CCND3: variants seen among roughly 807,000 people sequenced by gnomAD.
CCND3 encodes the protein cyclin D3, also known as G1/S-specific cyclin-D3.
Under a neutral mutation model 28.7 loss-of-function variants are expected in CCND3, and 9 were observed. The observed-to-expected ratio is 0.31, with a 90% CI of 0.19 to 0.55. The LOEUF is 0.55. Among genes scored for constraint, CCND3 ranks in the 20% least tolerant of loss-of-function variants. The probability of loss-of-function intolerance (pLI) is 0.93; values close to 1 mark genes in which losing one functional copy is unlikely to be tolerated. For synonymous variants in CCND3, 164 were observed against 163.9 expected (o/e 1.00, Z 0.00); for missense variants, 315 against 385.8 (o/e 0.82, Z 1.54).
chr6:41,954,158 G>A (rs979764551), intron 1 of CCND3, among the ~76,000 whole-genome samples: 39 of 147,526 alleles, frequency 2.6e-4, no homozygotes, highest in African/African-American at 9.5e-4. Context: ...GGCTGAGGCA[G>A]GAGAATCACT....
At chr6:41,992,775 C>T (rs1368538983) in intron 1 of CCND3, among the ~76,000 whole-genome samples, 1 of 151,800 alleles carries the variant, frequency 6.6e-6, no homozygotes. Context: ...GACAGGGTCT[C>T]GCTCTGTCAC....
intron 1 of CCND3, among the ~76,000 whole-genome samples, chr6:42,026,210 G>A (rs1038411954): frequency 1.3e-5 from 2 of 151,914 alleles, no homozygotes; most frequent in Non-Finnish European, 2.9e-5. Flanking sequence ...CCTTCTCAAC[G>A]ACCTCTCTAA....
At chr6:42,037,171 A>C (rs1764243933) in intron 1 of CCND3, among the ~76,000 whole-genome samples, 1 of 150,738 alleles carries the variant, frequency 6.6e-6, no homozygotes, top group Non-Finnish European at 1.5e-5. Context: ...CGATCTCCTG[A>C]CCTCGTGATC....
At chr6:41,952,236 A>G (rs997394338) in intron 1 of CCND3, among the ~76,000 whole-genome samples, 3 of 152,232 alleles carry the variant, frequency 2.0e-5, no homozygotes, top group Non-Finnish European at 2.9e-5. Context: ...GTCTGTCTCA[A>G]TTTGGGCTTC....
intron 1 of CCND3, among the ~76,000 whole-genome samples, chr6:42,017,975 C>T (rs1368579407): frequency 6.6e-6 from 1 of 151,788 alleles, no homozygotes; most frequent in Non-Finnish European, 1.5e-5. Context: ...CTGGTGAAAC[C>T]CCATCTCTAC....
At chr6:41,945,006 CTTGTTT>C (rs909551048), upstream of CCND3, among the ~76,000 whole-genome samples, 2 of 152,212 alleles carry the variant, frequency 1.3e-5, no homozygotes, top group African/African-American at 4.8e-5. Context: ...TCTTGTTTTT[CTTGTTT>C]TTGTTTTTGT....
At chr6:41,983,428 A>G (rs894245463) in intron 1 of CCND3, among the ~76,000 whole-genome samples, 20 of 152,082 alleles carry the variant, frequency 1.3e-4, no homozygotes, top group African/African-American at 4.8e-4. Flanking sequence ...TATTACTACT[A>G]TCATGCTAAT....
intron 1 of CCND3, among the ~76,000 whole-genome samples, chr6:42,005,958 G>A (rs549312499): frequency 2.6e-4 from 39 of 151,954 alleles, no homozygotes; most frequent in South Asian, 6.3e-4. Flanking sequence ...TTGGGATTAC[G>A]GGTATGAGCA....
chr6:41,983,427 T>C (rs895657592), intron 1 of CCND3, among the ~76,000 whole-genome samples: 1 of 151,868 alleles, frequency 6.6e-6, no homozygotes, highest in Non-Finnish European at 1.5e-5. Context: ...TTATTACTAC[T>C]ATCATGCTAA....
At chr6:42,001,647 T>C (rs1763014932) in intron 1 of CCND3, among the ~76,000 whole-genome samples, 2 of 151,886 alleles carry the variant, frequency 1.3e-5, no homozygotes. Flanking sequence ...GTGGCTGAGG[T>C]AGAAGGATCA....
intron 1 of CCND3, among the ~76,000 whole-genome samples, chr6:42,018,032 C>T (rs1207153422): frequency 6.6e-6 from 1 of 151,634 alleles, no homozygotes; most frequent in Non-Finnish European, 1.5e-5. Flanking sequence ...GCCTGTAGTC[C>T]CAGCTACTCA....
upstream of CCND3, among the ~76,000 whole-genome samples, chr6:41,944,176 A>G (rs574421347): frequency 1.7e-3 from 242 of 145,460 alleles, 1 homozygote; most frequent in African/African-American, 5.7e-3. Flanking sequence ...TACAAAAAAT[A>G]AAAAAAAAAA....
In CCND3 at chr6:41,939,158, CCAACT is replaced by C. The variant is rs1775906846; in HGVS notation, c.414+1207_414+1211del. Among the ~76,000 whole-genome samples, 2 of 152,286 alleles carry C rather than the reference CCAACT, an allele frequency of 1.3e-5. No homozygotes were observed. The highest frequency in any genetic ancestry group is 4.1e-4 in the South Asian group (2 of 4,826). On this transcript the variant is annotated intron_variant, in intron 2 of 4. Coordinates refer to ENST00000372991, the MANE Select transcript of CCND3 (RefSeq NM_001760.5). The surrounding 1 kb of genome is among the most constrained non-coding windows in gnomAD (Gnocchi z 4.2). ...AAGAGCTGTGGCGCCTCCTGGATTC[CCAACT>C]CTGGCCTCCTACTCCCATCTCTGAG...
intron 1 of CCND3, among the ~76,000 whole-genome samples, chr6:41,983,284 A>G (rs2127413052): frequency 6.6e-6 from 1 of 151,810 alleles, no homozygotes; most frequent in South Asian, 2.1e-4. Context: ...AGGCTGAGGT[A>G]GGAAAATCGC....
chr6:41,937,336 T>C lies in CCND3; in HGVS notation c.473A>G (p.His158Arg). ...GTGCAGAATGAAGGCCAGGAAATCA[T>C]GTGCAATCACAGCAGCCAGGTCCCA... Reference protein sequence around the residue: ...LKWDLAAVIAHDFLAFILHRL... With the variant: ...LKWDLAAVIARDFLAFILHRL... The change falls in exon 3 of 5, where the codon CAT becomes CGT. Residue 158 changes from histidine (H) to arginine (R), a missense_variant. Transcript: ENST00000372991. 6.2e-7 allele frequency: 1 copy of C among 1,614,162 alleles called. No homozygotes were observed. The highest frequency in any genetic ancestry group is 2.2e-5 in the East Asian group (1 of 44,876).
At chr6:41,937,177 C>T (rs2127390994) in intron 3 of CCND3, 58 bp downstream of exon 3, 1 of 1,571,336 alleles carries the variant, frequency 6.4e-7, no homozygotes, top group Non-Finnish European at 8.8e-7. Flanking sequence ...AGTTACCTCT[C>T]ACCCTTATAA....
chr6:41,967,978 G>T (rs191689402), intron 1 of CCND3, among the ~76,000 whole-genome samples: 22 of 152,224 alleles, frequency 1.4e-4, no homozygotes, highest in Admixed American at 1.3e-3. Context: ...CCCTTTAAAA[G>T]GTCAGACATT....
chr6:41,945,646 G>T (rs1393946093), upstream of CCND3, among the ~76,000 whole-genome samples: 1 of 152,234 alleles, frequency 6.6e-6, no homozygotes, highest in African/African-American at 2.4e-5. Context: ...AGCCAAGCGA[G>T]CCATGGGGCT....
intron 1 of CCND3, among the ~76,000 whole-genome samples, chr6:41,951,284 G>A (rs976209696): frequency 4.0e-5 from 6 of 151,124 alleles, no homozygotes; most frequent in Non-Finnish European, 8.8e-5. Context: ...GGCCAGGCGC[G>A]GTGGCTCACG....
Sources: gnomAD v4.1 joint callset for allele counts (sites outside exome capture counted in the v4.1 genomes callset) on GRCh38, gnomAD v4.1.1 for gene constraint, Gnocchi (gnomAD v3.1) non-coding constraint, MANE v1.5 for transcripts, NCBI Gene and HGNC (gene_info 2026-07-23, HGNC 2026-07-21) for gene names.